ERC1: variants seen among roughly 807,000 people sequenced by gnomAD.
ERC1 encodes ELKS/RAB6-interacting/CAST family member 1, also known as RAB6 interacting protein 2.
In ERC1, 56 loss-of-function variants were observed where a neutral mutation model predicts 132.0. The ratio of observed to expected loss-of-function variants is 0.42; its 90% CI spans 0.34 to 0.53. The LOEUF (loss-of-function observed/expected upper bound fraction) is 0.53. Ranked by LOEUF, ERC1 falls within the 20% of genes least tolerant of loss-of-function variation. The probability of loss-of-function intolerance (pLI) is 0.03; values close to 1 mark genes in which losing one functional copy is unlikely to be tolerated. For synonymous variants in ERC1, 478 were observed against 476.1 expected (o/e 1.00, Z -0.05); for missense variants, 1,202 against 1,349.9 (o/e 0.89, Z 1.72).
chr12:1,137,949 T>C (rs908253867), intron 7 of ERC1, among the ~76,000 whole-genome samples: 87 of 137,754 alleles, frequency 6.3e-4, no homozygotes, highest in African/African-American at 2.1e-3. Context: ...ATAATATATT[T>C]ATATAAATTA....
chr12:1,465,246 G>A (rs1427536400), intron 18 of ERC1, among the ~76,000 whole-genome samples: 1 of 152,216 alleles, frequency 6.6e-6, no homozygotes, highest in Non-Finnish European at 1.5e-5. Context: ...CACCAATGCT[G>A]CAAACCTAAA....
intron 8 of ERC1, among the ~76,000 whole-genome samples, chr12:1,153,471 C>T (rs952851714): frequency 4.6e-5 from 7 of 152,322 alleles, no homozygotes; most frequent in African/African-American, 1.7e-4. Context: ...CAGGTTGCTG[C>T]CTGGGAGCTT....
chr12:1,208,261 C>T (rs2154288982), intron 12 of ERC1, among the ~76,000 whole-genome samples: 1 of 152,308 alleles, frequency 6.6e-6, no homozygotes, highest in Middle Eastern at 3.4e-3. Context: ...CAACCCATGG[C>T]CCACAGCCCA....
At chr12:1,147,422 T>G (rs1204993437) in intron 8 of ERC1, among the ~76,000 whole-genome samples, 1 of 152,242 alleles carries the variant, frequency 6.6e-6, no homozygotes, top group African/African-American at 2.4e-5. Context: ...CTTTCAATAG[T>G]AATATTTTCA....
intron 12 of ERC1, among the ~76,000 whole-genome samples, chr12:1,232,736 T>G (rs1308347173): frequency 1.3e-5 from 2 of 152,146 alleles, no homozygotes; most frequent in Non-Finnish European, 2.9e-5. Context: ...TGATTTTTGT[T>G]TCTGGGTTCT....
chr12:1,406,065 G>A (rs1217864294), intron 16 of ERC1, among the ~76,000 whole-genome samples: 1 of 151,966 alleles, frequency 6.6e-6, no homozygotes, highest in Non-Finnish European at 1.5e-5. Flanking sequence ...AAAATGTATT[G>A]GGTGTCAGTT....
intron 12 of ERC1, among the ~76,000 whole-genome samples, chr12:1,231,971 C>G (rs144855226): frequency 6.6e-6 from 1 of 152,300 alleles, no homozygotes; most frequent in Non-Finnish European, 1.5e-5. Flanking sequence ...GATCTCCTGA[C>G]CTCATGATCC....
intron 18 of ERC1, among the ~76,000 whole-genome samples, chr12:1,451,265 TTTTTATC>T (rs1272677189): frequency 6.6e-6 from 1 of 152,162 alleles, no homozygotes; most frequent in Non-Finnish European, 1.5e-5. Context: ...AAATCTTTGT[TTTTTATC>T]TGTGTATGTC....
intron 13 of ERC1, among the ~76,000 whole-genome samples, chr12:1,262,285 C>T (rs570825749): frequency 6.6e-6 from 1 of 152,300 alleles, no homozygotes; most frequent in East Asian, 1.9e-4. Flanking sequence ...TAAGATCTCT[C>T]CTATCTTACA....
At chr12:1,472,135 G>T (rs1313011000) in intron 18 of ERC1, among the ~76,000 whole-genome samples, 1 of 152,208 alleles carries the variant, frequency 6.6e-6, no homozygotes, top group Non-Finnish European at 1.5e-5. Context: ...TGAGCTGCAG[G>T]TCGGGGATAG....
chr12:1,306,377 A>G (rs2080884660), intron 15 of ERC1, among the ~76,000 whole-genome samples: 1 of 152,228 alleles, frequency 6.6e-6, no homozygotes, highest in African/African-American at 2.4e-5. Context: ...ACTGAAGTAG[A>G]AAATTGGAGG....
intron 2 of ERC1, among the ~76,000 whole-genome samples, chr12:1,041,522 C>T (rs1357198852): frequency 6.6e-6 from 1 of 152,076 alleles, no homozygotes; most frequent in Non-Finnish European, 1.5e-5. Context: ...TTGCATGTCT[C>T]TCTAAGGAAA....
intron 12 of ERC1, among the ~76,000 whole-genome samples, chr12:1,201,516 C>T (rs538609511): frequency 3.1e-4 from 47 of 152,120 alleles, no homozygotes; most frequent in African/African-American, 1.1e-3. Flanking sequence ...ACGGGTTTAC[C>T]TATATGCTGA....
rs376082325 is a variant in ERC1 at position 1,190,426 on chromosome 12, A to G, written c.2351+374A>G. Among the ~76,000 whole-genome samples, 243 of 152,330 alleles carry G rather than the reference A, an allele frequency of 1.6e-3. 1 individual carries two copies. Among genetic ancestry groups the G allele is most frequent in the Admixed American group, 4.6e-3 (70 of 15,300 alleles). On this transcript the variant is annotated intron_variant, in intron 12 of 18. Coordinates refer to ENST00000360905, the MANE Select transcript of ERC1 (RefSeq NM_178040.4). ...GCAAAGGAGTTAATCTTTTATCACT[A>G]GTTTAGACCTTTGTTGTTGAGCTAA...
intron 15 of ERC1, among the ~76,000 whole-genome samples, chr12:1,304,043 G>C (rs1424732622): frequency 6.6e-6 from 1 of 151,744 alleles, no homozygotes; most frequent in African/African-American, 2.4e-5. Context: ...GAAGTCTCTG[G>C]ATTCCTGAGT....
At chr12:1,386,419 A>G (rs1463562812) in intron 16 of ERC1, among the ~76,000 whole-genome samples, 2 of 150,608 alleles carry the variant, frequency 1.3e-5, no homozygotes, top group African/African-American at 2.4e-5. Flanking sequence ...ACGCCAAGGC[A>G]GGCAGATCAC....
chr12:1,016,755 A>G (rs983694617), intron 1 of ERC1, among the ~76,000 whole-genome samples: 22 of 148,736 alleles, frequency 1.5e-4, no homozygotes, highest in African/African-American at 4.5e-4. Context: ...GGTTCAGGCA[A>G]TTCTCCTGCC....
At chr12:1,178,966 G>T (rs1190662536) in intron 8 of ERC1, among the ~76,000 whole-genome samples, 1 of 152,122 alleles carries the variant, frequency 6.6e-6, no homozygotes, top group African/African-American at 2.4e-5. Context: ...TATAGTGAAT[G>T]AATAAACTTT....
At chr12:1,212,127 A>G (rs1056377230) in intron 12 of ERC1, among the ~76,000 whole-genome samples, 5 of 152,054 alleles carry the variant, frequency 3.3e-5, no homozygotes, top group African/African-American at 1.2e-4. Context: ...ACTTCCTTAT[A>G]TAAGTCCTAT....
Sources: allele counts gnomAD v4.1 joint callset (sites outside exome capture counted in the v4.1 genomes callset), GRCh38; gene constraint gnomAD v4.1.1; transcripts MANE v1.5; gene names NCBI Gene and HGNC (gene_info 2026-07-23, HGNC 2026-07-21).